KIF11: variants seen among roughly 807,000 people sequenced by gnomAD.
The protein encoded by KIF11 is kinesin family member 11.
Under a neutral mutation model 121.0 loss-of-function variants are expected in KIF11, and 9 were observed. The ratio of observed to expected loss-of-function variants is 0.07; its 90% CI spans 0.04 to 0.13. KIF11 has a LOEUF of 0.13. Among genes scored for constraint, KIF11 ranks in the 10% least tolerant of loss-of-function variants. KIF11 has a pLI of 1.00. For synonymous variants in KIF11, 408 were observed against 421.0 expected, an observed-to-expected ratio of 0.97 and a Z score of 0.38; for missense variants, 846 against 1,217.5, an observed-to-expected ratio of 0.69 and a Z score of 4.54.
chr10:92,602,826 G>A (rs754150463), intron 1 of KIF11, among the ~76,000 whole-genome samples: 6 of 28,458 alleles, frequency 2.1e-4, no homozygotes, highest in African/African-American at 9.1e-4. Context: ...ACACACACAC[G>A]TGTGTGTGTG....
At position 92,601,093 on chromosome 10, in the gene KIF11, C is replaced by T. The variant is rs377757764; in HGVS notation, c.78-5172C>T. 1.1e-4 allele frequency among the ~76,000 whole-genome samples: 17 copies of T among 152,262 alleles called. No individual in the cohort carries two copies. In the East Asian group the frequency reaches 1.5e-3, roughly 14 times the overall value. On this transcript the variant is annotated intron_variant, in intron 1 of 21. Coordinates refer to ENST00000260731, the MANE Select transcript of KIF11 (RefSeq NM_004523.4). ...TAGGCTGGTCTTGAACTCCTGACCT[C>T]GTGATCCATCCGCCTTGGCCTCCCA...
chr10:92,632,730 T>A, intron 13 of KIF11, 37 bp downstream of exon 13: 1 of 1,312,894 alleles, frequency 7.6e-7, no homozygotes, highest in Non-Finnish European at 1.1e-6. Context: ...CTTGATGTGT[T>A]AAGTGTAATG....
intron 16 of KIF11, among the ~76,000 whole-genome samples, chr10:92,637,795 A>G (rs1202511951): frequency 6.6e-6 from 1 of 152,214 alleles, no homozygotes; most frequent in Non-Finnish European, 1.5e-5. Flanking sequence ...CTTTTCTCAC[A>G]TCAAGATGAA....
Position 92,628,875 on chromosome 10 carries a change from G to A in KIF11, c.1285G>A (p.Val429Ile), listed in dbSNP as rs759666788. 1.3e-6 allele frequency: 2 copies of A among 1,593,136 alleles called. No individual in the cohort carries two copies. Among genetic ancestry groups the A allele is most frequent in the Non-Finnish European group, 1.7e-6 (2 of 1,163,146 alleles). ...AGAATTGATTGAAAAAATTGGTGCT[G>A]TTGAGGAGGAGCTGAATAGGGTAAG... ...IVELIEKIGA[V>I]EEELNRVTEL... The change falls in exon 11 of 22, where the codon GTT becomes ATT. Residue 429 changes from valine to isoleucine, a missense_variant. Val to Ile is a conservative substitution (Grantham distance 29, BLOSUM62 3). Around this residue, in one of 5 missense-constraint regions of KIF11, gnomAD observed 95 missense variants for 109.3 expected, o/e 0.87. Coordinates refer to ENST00000260731, the MANE Select transcript of KIF11 (RefSeq NM_004523.4).
chr10:92,599,586 C>G (rs191795675), intron 1 of KIF11, among the ~76,000 whole-genome samples: 1 of 149,606 alleles, frequency 6.7e-6, no homozygotes, highest in East Asian at 2.0e-4. Flanking sequence ...TTCTATCCAG[C>G]TACTTTGCTG....
intron 11 of KIF11, among the ~76,000 whole-genome samples, chr10:92,629,675 G>T (rs1196623425): frequency 6.6e-6 from 1 of 152,096 alleles, no homozygotes; most frequent in Non-Finnish European, 1.5e-5. Context: ...GTGCAGTGGT[G>T]TAATCATATC....
intron 18 of KIF11, among the ~76,000 whole-genome samples, chr10:92,646,495 A>G (rs1844921510): frequency 6.6e-6 from 1 of 152,180 alleles, no homozygotes; most frequent in African/African-American, 2.4e-5. Flanking sequence ...TTTTCACTAA[A>G]AGGAACTAGA....
chr10:92,652,303 G>A (rs1488676877), intron 21 of KIF11, among the ~76,000 whole-genome samples: 2 of 151,950 alleles, frequency 1.3e-5, no homozygotes, highest in Non-Finnish European at 2.9e-5. Context: ...ACCACACCTG[G>A]CTAATATTGT....
intron 20 of KIF11, 66 bp from the exon 21 acceptor site, chr10:92,650,335 T>C (rs1844967449): frequency 5.7e-6 from 5 of 871,110 alleles, no homozygotes; most frequent in Non-Finnish European, 9.8e-6. Context: ...TACTCAAAGC[T>C]GCTGTTACTC....
At chr10:92,617,122 C>A (rs1205473784) in intron 9 of KIF11, among the ~76,000 whole-genome samples, 1 of 152,186 alleles carries the variant, frequency 6.6e-6, no homozygotes, top group Admixed American at 6.5e-5. Context: ...CATGCCATAA[C>A]ATCCACCTAA....
intron 1 of KIF11, among the ~76,000 whole-genome samples, chr10:92,601,505 G>C (rs908334547): frequency 1.3e-5 from 2 of 151,894 alleles, no homozygotes; most frequent in Non-Finnish European, 2.9e-5. Flanking sequence ...CACCATGCCC[G>C]GCCCTTGTTT....
chr10:92,634,683 C>G (rs1404002160), intron 14 of KIF11, among the ~76,000 whole-genome samples: 1 of 152,158 alleles, frequency 6.6e-6, no homozygotes, highest in Non-Finnish European at 1.5e-5. Flanking sequence ...TCACTCATGT[C>G]TTGTAACATT....
chr10:92,612,954 G>T (rs1382905560), intron 6 of KIF11, 86 bp from the exon 7 acceptor site: 8 of 724,000 alleles, frequency 1.1e-5, no homozygotes, highest in Non-Finnish European at 1.6e-5. Context: ...TGTGGATTTA[G>T]ATCTTCTTTC....
chr10:92,630,941 G>A (rs895012087), intron 12 of KIF11, among the ~76,000 whole-genome samples: 3 of 151,070 alleles, frequency 2.0e-5, no homozygotes, highest in African/African-American at 7.3e-5. Flanking sequence ...TAGTGATGCT[G>A]TGATGCTTTT....
intron 1 of KIF11, among the ~76,000 whole-genome samples, chr10:92,604,302 A>G (rs1177423651): frequency 6.6e-6 from 1 of 152,188 alleles, no homozygotes; most frequent in East Asian, 1.9e-4. Context: ...AGTCCTGACA[A>G]TGTGAATGGT....
At chr10:92,622,357 G>A (rs1323359709) in intron 10 of KIF11, among the ~76,000 whole-genome samples, 1 of 151,274 alleles carries the variant, frequency 6.6e-6, no homozygotes, top group Non-Finnish European at 1.5e-5. Context: ...GCTCACGCCT[G>A]TAATCCCAGC....
In KIF11 at chr10:92,599,887, G is replaced by A. The variant is rs1177394842; in HGVS notation, c.78-6378G>A. Among the ~76,000 whole-genome samples the A allele has an allele frequency of 9.3e-4, 139 of 149,352 alleles. 2 individuals are homozygous for A. Among genetic ancestry groups the A allele is most frequent in the South Asian group, 2.1e-4 (1 of 4,750 alleles). ...AGGATGGTCTCGATCTCTTGACCTCGTGATCCACCTGCCTCAGCCTCCCAA... is the reference window on the plus strand; with the variant it reads ...AGGATGGTCTCGATCTCTTGACCTCATGATCCACCTGCCTCAGCCTCCCAA... On this transcript the variant is annotated intron_variant, in intron 1 of 21. Transcript: ENST00000260731.
At chr10:92,602,856 G>GTGT (rs201696726) in intron 1 of KIF11, among the ~76,000 whole-genome samples, 1 of 146,076 alleles carries the variant, frequency 6.8e-6, no homozygotes, top group African/African-American at 2.5e-5. Flanking sequence ...GTGTGTGTGT[G>GTGT]GTTTTTTGTT....
At chr10:92,615,707 G>GT (rs1180131475) in intron 8 of KIF11, among the ~76,000 whole-genome samples, 2 of 152,006 alleles carry the variant, frequency 1.3e-5, no homozygotes, top group African/African-American at 4.8e-5. Context: ...ATGGAATTAC[G>GT]TAATAGGTAG....
Sources: gnomAD v4.1 joint callset for allele counts (sites outside exome capture counted in the v4.1 genomes callset) on GRCh38, gnomAD v4.1.1 for gene constraint, gnomAD v4.1.1 regional missense constraint, MANE v1.5 for transcripts, NCBI Gene and HGNC (gene_info 2026-07-23, HGNC 2026-07-21) for gene names.